Variants in NTM observed in about 807,000 individuals in gnomAD.
The protein encoded by NTM is IgLON family member 2.
NTM carries 13 observed loss-of-function variants against 42.1 expected under a neutral mutation model. That is an observed-to-expected ratio of 0.31 (90% CI 0.20 to 0.49). The LOEUF is 0.49. Among genes scored for constraint, NTM ranks in the 20% least tolerant of loss-of-function variants. The pLI, the probability that NTM is intolerant of heterozygous loss-of-function variation, is 0.99. For missense variants in NTM, 373 were observed against 452.8 expected, an observed-to-expected ratio of 0.82 and a Z score of 1.60; for synonymous variants, 187 against 179.2, an observed-to-expected ratio of 1.04 and a Z score of -0.35.
At chr11:131,958,785 C>T (rs2061820451) in intron 2 of NTM, among the ~76,000 whole-genome samples, 1 of 152,186 alleles carries the variant, frequency 6.6e-6, no homozygotes, top group Non-Finnish European at 1.5e-5. Flanking sequence ...CTGTACTACT[C>T]TCGCGAGTTC....
At chr11:131,399,961 G>A (rs1029121806) in intron 1 of NTM, among the ~76,000 whole-genome samples, 11 of 152,096 alleles carry the variant, frequency 7.2e-5, no homozygotes, top group African/African-American at 2.7e-4. Flanking sequence ...GAAATTGCTA[G>A]TATGCACCTA....
chr11:132,322,996 A>C (rs1253954140), intron 7 of NTM, among the ~76,000 whole-genome samples: 2 of 138,024 alleles, frequency 1.4e-5, no homozygotes, highest in African/African-American at 2.7e-5. Context: ...ACAAAGACAC[A>C]ACATACCAGA....
chr11:132,319,550 A>G (rs2095512226), intron 7 of NTM, among the ~76,000 whole-genome samples: 1 of 152,230 alleles, frequency 6.6e-6, no homozygotes, highest in Admixed American at 6.5e-5. Flanking sequence ...TCAAACTGCA[A>G]GGCAGCAGCA....
chr11:131,681,035 G>A (rs1181496021), intron 1 of NTM, among the ~76,000 whole-genome samples: 2 of 31,668 alleles, frequency 6.3e-5, no homozygotes, highest in East Asian at 1.4e-3. Context: ...GTGTGTGAGC[G>A]TGTGTGTTTC....
intron 1 of NTM, among the ~76,000 whole-genome samples, chr11:131,674,096 T>C (rs1452965838): frequency 6.6e-6 from 1 of 152,144 alleles, no homozygotes; most frequent in Non-Finnish European, 1.5e-5. Context: ...CAGCGTAGGG[T>C]GAGCAGGTAG....
chr11:132,210,887 C>T (rs557646061), intron 3 of NTM, among the ~76,000 whole-genome samples: 35 of 152,240 alleles, frequency 2.3e-4, no homozygotes, highest in African/African-American at 6.5e-4. Context: ...ATCCTGTCTC[C>T]AACTTTACCT....
intron 1 of NTM, among the ~76,000 whole-genome samples, chr11:131,880,672 A>T (rs889930231): frequency 4.6e-5 from 7 of 152,132 alleles, no homozygotes; most frequent in African/African-American, 1.7e-4. Flanking sequence ...TGTTATCTAT[A>T]TTCTTAGGAT....
chr11:131,559,519 C>A (rs1191092158), intron 1 of NTM, among the ~76,000 whole-genome samples: 2 of 152,120 alleles, frequency 1.3e-5, no homozygotes, highest in African/African-American at 4.8e-5. Context: ...AATTCCTGAC[C>A]CTTAAGAATT....
intron 2 of NTM, among the ~76,000 whole-genome samples, chr11:131,956,337 G>A (rs924928707): frequency 4.6e-5 from 7 of 152,184 alleles, no homozygotes. Flanking sequence ...TATGATCTGA[G>A]TTGTCCACAT....
intron 1 of NTM, among the ~76,000 whole-genome samples, chr11:131,667,156 T>TA (rs1000295331): frequency 1.2e-4 from 19 of 152,190 alleles, no homozygotes; most frequent in African/African-American, 4.6e-4. Flanking sequence ...TTCCTTCATT[T>TA]AAAAGCTTCT....
At chr11:131,665,676 T>G (rs2068918610) in intron 1 of NTM, among the ~76,000 whole-genome samples, 1 of 152,200 alleles carries the variant, frequency 6.6e-6, no homozygotes, top group South Asian at 2.1e-4. Flanking sequence ...CTACCCAGTC[T>G]ATGGTATTTT....
At chr11:131,961,613 A>T (rs2062178640) in intron 2 of NTM, among the ~76,000 whole-genome samples, 1 of 152,188 alleles carries the variant, frequency 6.6e-6, no homozygotes, top group Non-Finnish European at 1.5e-5. Flanking sequence ...CACATGACAC[A>T]AGTTGGTCTC....
chr11:132,211,151 G>A (rs556898134), intron 3 of NTM, among the ~76,000 whole-genome samples: 53 of 152,118 alleles, frequency 3.5e-4, no homozygotes, highest in East Asian at 5.8e-4. Context: ...GGATGGCTGC[G>A]CGTGCACTTT....
At chr11:132,090,677 CCTTTCTTCA>C (rs1021322923) in intron 2 of NTM, among the ~76,000 whole-genome samples, 3 of 149,278 alleles carry the variant, frequency 2.0e-5, no homozygotes, top group African/African-American at 5.0e-5. Context: ...TTAGCTACAC[CCTTTCTTCA>C]CTTTCTTCCC....
chr11:132,264,855 T>G (rs1397182098), intron 4 of NTM, among the ~76,000 whole-genome samples: 1 of 152,160 alleles, frequency 6.6e-6, no homozygotes. Flanking sequence ...TCTGTTGCCC[T>G]CTCATGGAAA....
At chr11:132,068,621 C>T (rs1409863136) in intron 2 of NTM, among the ~76,000 whole-genome samples, 1 of 152,230 alleles carries the variant, frequency 6.6e-6, no homozygotes, top group Non-Finnish European at 1.5e-5. Context: ...TGTATTTCTT[C>T]TAGCAATAAC....
chr11:131,397,263 C>T (rs1565461047), intron 1 of NTM, among the ~76,000 whole-genome samples: 1 of 152,134 alleles, frequency 6.6e-6, no homozygotes, highest in Non-Finnish European at 1.5e-5. Context: ...AATTTACTTT[C>T]AAGGCTGCCT....
At chr11:131,621,825 G>GGA (rs1555054122) in intron 1 of NTM, among the ~76,000 whole-genome samples, 296 of 105,536 alleles carry the variant, frequency 2.8e-3, no homozygotes, top group African/African-American at 9.5e-3. Context: ...TCAACTCAAA[G>GGA]AAAAAAAAAA....
chr11:131,401,361 T>A (rs1287355249), intron 1 of NTM, among the ~76,000 whole-genome samples: 1 of 152,084 alleles, frequency 6.6e-6, no homozygotes, highest in Non-Finnish European at 1.5e-5. Flanking sequence ...AAAACATGGA[T>A]TTTGAAAACA....
Sources: allele counts gnomAD v4.1 joint callset (sites outside exome capture counted in the v4.1 genomes callset), GRCh38; gene constraint gnomAD v4.1.1; transcripts MANE v1.5; gene names NCBI Gene and HGNC (gene_info 2026-07-23, HGNC 2026-07-21).